The following ABL2 variants were observed in gnomAD, a reference collection of about 807,000 sequenced individuals.
ABL2 encodes the protein ABL proto-oncogene 2, non-receptor tyrosine kinase, also known as tyrosine-protein kinase ABL2.
In ABL2, 49 loss-of-function variants were observed where a neutral mutation model predicts 107.7. That is an observed-to-expected ratio of 0.45 (90% CI 0.36 to 0.58). The LOEUF (loss-of-function observed/expected upper bound fraction) is 0.58. ABL2 is among the 20% of genes least tolerant of loss of function. The probability of loss-of-function intolerance (pLI) is 0.00; values close to 1 mark genes in which losing one functional copy is unlikely to be tolerated. For synonymous variants in ABL2, 549 were observed against 548.6 expected, an observed-to-expected ratio of 1.00 and a Z score of -0.01; for missense variants, 1,245 against 1,457.0, an observed-to-expected ratio of 0.85 and a Z score of 2.37.
intron 10 of ABL2, chr1:179,110,747 C>T: frequency 6.2e-7 from 1 of 1,613,632 alleles, no homozygotes. Flanking sequence ...TAGGTTGTTT[C>T]CAGTTTGGAG....
At chr1:179,163,654 G>A (rs763571439) in intron 1 of ABL2, among the ~76,000 whole-genome samples, 2 of 152,186 alleles carry the variant, frequency 1.3e-5, no homozygotes, top group African/African-American at 2.4e-5. Flanking sequence ...GGCTGAGGCA[G>A]GAGAATCGCT....
rs373149601 is a variant in ABL2, at chr1:179,101,747, G to C, written c.*5971C>G. On this transcript the variant is annotated 3_prime_UTR_variant, in exon 12 of 12. Transcript: ENST00000502732. ...TGGCATGAAAAGCAGAAATTCATCC[G>C]TCTGCACATTGCAATAAACTTCCCA... The C allele has an allele frequency of 1.1e-5, 2 of 186,476 alleles. No homozygotes were observed. Among genetic ancestry groups the C allele is most frequent in the African/African-American group, 4.7e-5 (2 of 42,636 alleles). The allele number at this position is 186,476 out of a possible 1,614,324, so 11.6% of individuals were successfully genotyped here.
chr1:179,110,687 C>A (rs1391941820), intron 10 of ABL2: 1 of 1,581,120 alleles, frequency 6.3e-7, no homozygotes, highest in Non-Finnish European at 8.6e-7. Flanking sequence ...GTGTAGCATG[C>A]CAACGTGTGA....
At chr1:179,136,231 G>A (rs1656960146) in intron 1 of ABL2, among the ~76,000 whole-genome samples, 1 of 151,872 alleles carries the variant, frequency 6.6e-6, no homozygotes, top group Admixed American at 6.5e-5. Flanking sequence ...CATTGAGAAT[G>A]GGCCATGATG....
chr1:179,117,582 A>G (rs1654773519), intron 7 of ABL2, 66 bp from the exon 8 acceptor site: 2 of 1,548,836 alleles, frequency 1.3e-6, no homozygotes, highest in East Asian at 4.5e-5. Context: ...TGAACACTCT[A>G]TTCTTGGTTT....
intron 1 of ABL2, among the ~76,000 whole-genome samples, chr1:179,182,871 G>A (rs912298071): frequency 4.6e-5 from 7 of 152,106 alleles, no homozygotes; most frequent in Admixed American, 2.6e-4. Flanking sequence ...GGCTTTGTAG[G>A]ATATCTGATT....
chr1:179,198,623 G>T (rs571604275), intron 1 of ABL2, among the ~76,000 whole-genome samples: 1 of 136,590 alleles, frequency 7.3e-6, no homozygotes, highest in Non-Finnish European at 1.5e-5. Context: ...AACCAGGGGG[G>T]CAGAGGCTGC....
chr1:179,176,387 C>A (rs1219610774), intron 1 of ABL2, among the ~76,000 whole-genome samples: 11 of 151,992 alleles, frequency 7.2e-5, no homozygotes, highest in Non-Finnish European at 1.6e-4. Flanking sequence ...GTGATAGATA[C>A]CCCATTTTCC....
chr1:179,220,935 C>A, intron 1 of ABL2: 2 of 183,576 alleles, frequency 1.1e-5, no homozygotes, highest in Admixed American at 5.7e-5. Context: ...TGATGTGGTA[C>A]CTCTCAGCCT....
chr1:179,110,980 C>CA (rs1491450367), intron 10 of ABL2: 1 of 598,668 alleles, frequency 1.7e-6, no homozygotes, highest in Non-Finnish European at 2.5e-6. Context: ...TTATTTTTGG[C>CA]TTTTTTTTTT....
chr1:179,100,974 C>CG lies in ABL2; in HGVS notation c.*6743dup, dbSNP rs1653042382. On this transcript the variant is annotated 3_prime_UTR_variant, in exon 12 of 12. Coordinates refer to ENST00000502732, the MANE Select transcript of ABL2 (RefSeq NM_007314.4). ...GTAAGTGCACTTGGAGGGAAGGGTC[C>CG]GGCGAGACCTCGCCAGGTGGGCTTG... The CG allele has an allele frequency of 4.3e-6, 1 of 232,824 alleles. No individual in the cohort carries two copies. Among genetic ancestry groups the CG allele is most frequent in the Non-Finnish European group, 8.5e-6 (1 of 117,744 alleles). 14.4% of individuals were successfully genotyped at this position (232,824 alleles called of 1,614,324 possible).
In ABL2 at chr1:179,117,102, TGTAATTACAAAC is replaced by T. The variant is rs1439869001; in HGVS notation, c.1408+218_1408+229del. The T allele has an allele frequency of 2.1e-5, 11 of 532,234 alleles. No homozygotes were observed. The Admixed American group carries it at 2.5e-4, about 12-fold the overall frequency. 33.0% of individuals were successfully genotyped at this position (532,234 alleles called of 1,614,324 possible). On this transcript the variant is annotated intron_variant, in intron 8 of 11. Transcript: ENST00000502732. The stretch of plus-strand genomic sequence containing the variant: ...ATCCACCCATCTCGGCCCAAAGTGC[TGTAATTACAAAC>T]GTGAGCCACCACACCAGGCCTATAC...
At chr1:179,177,705 A>T (rs1660128863) in intron 1 of ABL2, among the ~76,000 whole-genome samples, 1 of 152,238 alleles carries the variant, frequency 6.6e-6, no homozygotes, top group Admixed American at 6.5e-5. Flanking sequence ...AAGAATAAAA[A>T]GTGGACAGTC....
chr1:179,187,951 T>G (rs1446917732), intron 1 of ABL2, among the ~76,000 whole-genome samples: 1 of 152,186 alleles, frequency 6.6e-6, no homozygotes, highest in East Asian at 1.9e-4. Context: ...ATACAAATCC[T>G]ACATAACCAG....
At position 179,174,099 on chromosome 1, in the gene ABL2, C is replaced by T. The variant is rs1226488005; in HGVS notation, c.158-40725G>A. On this transcript the variant is annotated intron_variant, in intron 1 of 11. Coordinates refer to ENST00000502732, the MANE Select transcript of ABL2 (RefSeq NM_007314.4). The stretch of plus-strand genomic sequence containing the variant: ...GGTCAGGAGATCAAGACCATCCTCA[C>T]CAACATGGTGAAACTCTGTCTCTAC... 3.3e-5 allele frequency among the ~76,000 whole-genome samples: 5 copies of T among 151,848 alleles called. No individual in the cohort carries two copies. The South Asian group carries it at 8.3e-4, about 25-fold the overall frequency.
At chr1:179,110,797 CT>C in intron 10 of ABL2, 1 of 1,613,924 alleles carries the variant, frequency 6.2e-7, no homozygotes, top group African/African-American at 1.3e-5. Flanking sequence ...TGCTCTGTGT[CT>C]TTTGGTTCAC....
chr1:179,201,337 C>T (rs1661655620), intron 1 of ABL2: 1 of 152,198 alleles, frequency 6.6e-6, no homozygotes, highest in Non-Finnish European at 1.5e-5. Flanking sequence ...AAATTTGTAT[C>T]TTTTTGTAAC....
intron 1 of ABL2, among the ~76,000 whole-genome samples, chr1:179,211,275 T>C (rs1466096048): frequency 6.6e-6 from 1 of 152,066 alleles, no homozygotes; most frequent in African/African-American, 2.4e-5. Flanking sequence ...CCCAGCACTT[T>C]GGGAGGCTGA....
intron 1 of ABL2, among the ~76,000 whole-genome samples, chr1:179,197,558 A>G (rs77095138): frequency 1.4e-5 from 2 of 145,316 alleles, no homozygotes; most frequent in African/African-American, 2.5e-5. Flanking sequence ...GCTTGGTTCA[A>G]AAAAAAAAAA....
Sources: gnomAD v4.1 joint callset for allele counts (sites outside exome capture counted in the v4.1 genomes callset) on GRCh38, gnomAD v4.1.1 for gene constraint, MANE v1.5 for transcripts, NCBI Gene and HGNC (gene_info 2026-07-23, HGNC 2026-07-21) for gene names.